MTA3: variants seen among roughly 807,000 people sequenced by gnomAD.
MTA3 encodes the protein metastasis-associated protein MTA3.
A neutral mutation model predicts 83.5 loss-of-function variants in MTA3; 34 were observed. The observed-to-expected ratio is 0.41, with a 90% CI of 0.31 to 0.54. MTA3 has a LOEUF of 0.54. Among genes scored for constraint, MTA3 ranks in the 20% least tolerant of loss-of-function variants. The probability of loss-of-function intolerance (pLI) is 0.33; values close to 1 mark genes in which losing one functional copy is unlikely to be tolerated. For missense variants in MTA3, 761 were observed against 726.4 expected, an observed-to-expected ratio of 1.05 and a Z score of -0.55; for synonymous variants, 303 against 252.7, an observed-to-expected ratio of 1.20 and a Z score of -1.89.
Position 42,737,177 on chromosome 2 carries a change from G to A in MTA3, c.1759+14142G>A, listed in dbSNP as rs537457251. Among the ~76,000 whole-genome samples, 4 of 152,288 alleles carry A rather than the reference G, an allele frequency of 2.6e-5. No homozygotes were observed. The South Asian group carries it at 6.2e-4, about 24-fold the overall frequency. On this transcript the variant is annotated intron_variant, in intron 16 of 16. Coordinates refer to ENST00000405094, the MANE Select transcript of MTA3 (RefSeq NM_001330442.2). ...TGCTCCCCAAGTCCATTGGCTCCAA[G>A]ACCAGCACAGCACCAGGATTTGCCT...
chr2:42,531,382 G>A (rs896684718), intron 2 of MTA3, among the ~76,000 whole-genome samples: 5 of 144,678 alleles, frequency 3.5e-5, no homozygotes, highest in African/African-American at 7.6e-5. Flanking sequence ...ATGTAACTAT[G>A]TAACACACAA....
At chr2:42,612,659 G>A (rs907967537) in intron 4 of MTA3, among the ~76,000 whole-genome samples, 3 of 152,152 alleles carry the variant, frequency 2.0e-5, no homozygotes, top group Admixed American at 2.0e-4. Flanking sequence ...TCAGGATTCT[G>A]AGACCAGCCT....
At chr2:42,629,361 G>T (rs571966251) in intron 4 of MTA3, among the ~76,000 whole-genome samples, 2 of 152,124 alleles carry the variant, frequency 1.3e-5, no homozygotes, top group African/African-American at 4.8e-5. Flanking sequence ...TTACAGGCGT[G>T]ATCCACCGTG....
chr2:42,594,728 AT>A (rs1211133796), intron 3 of MTA3, among the ~76,000 whole-genome samples: 25 of 24,042 alleles, frequency 1.0e-3, no homozygotes, highest in East Asian at 5.9e-3. Flanking sequence ...ATATATATAT[AT>A]TTTTTTTTTT....
chr2:42,654,457 C>G (rs1388252885), intron 6 of MTA3, among the ~76,000 whole-genome samples: 1 of 152,186 alleles, frequency 6.6e-6, no homozygotes, highest in Admixed American at 6.5e-5. Context: ...AGCTTTTATT[C>G]TAGTAAGAAT....
At chr2:42,571,680 G>C (rs867971588) in intron 2 of MTA3, among the ~76,000 whole-genome samples, 8 of 152,286 alleles carry the variant, frequency 5.3e-5, no homozygotes, top group Middle Eastern at 6.8e-3. Context: ...GGGTGCGGTG[G>C]CTCACGCCTG....
In MTA3 at chr2:42,737,070, G is replaced by A. The variant is rs1287909704; in HGVS notation, c.1759+14035G>A. Among the ~76,000 whole-genome samples the A allele has an allele frequency of 7.9e-5, 12 of 152,310 alleles. No homozygotes were observed. The East Asian group carries it at 2.3e-3, about 29-fold the overall frequency. ...GGAGGAAGGAGTCTCTGCAAGGGCT[G>A]TGAGCTGTGCTGCCTGAGACTGGGG... is the stretch of plus-strand genomic sequence containing the variant. On this transcript the variant is annotated intron_variant, in intron 16 of 16. Coordinates refer to ENST00000405094, the MANE Select transcript of MTA3 (RefSeq NM_001330442.2).
At chr2:42,751,764 T>A (rs1669887639) in intron 16 of MTA3, among the ~76,000 whole-genome samples, 1 of 152,156 alleles carries the variant, frequency 6.6e-6, no homozygotes, top group Non-Finnish European at 1.5e-5. Context: ...AAGCAGCTCT[T>A]TTGATAGGTG....
chr2:42,636,009 T>A (rs1409396852), intron 4 of MTA3, among the ~76,000 whole-genome samples: 1 of 152,154 alleles, frequency 6.6e-6, no homozygotes. Flanking sequence ...GCTCAGGCAA[T>A]CTGCCCGCCT....
intron 3 of MTA3, among the ~76,000 whole-genome samples, chr2:42,600,523 C>G (rs977051327): frequency 6.7e-6 from 1 of 148,238 alleles, no homozygotes; most frequent in Non-Finnish European, 1.5e-5. Context: ...TTTGCATCCC[C>G]TTTCCCATTC....
At chr2:42,676,411 G>T (rs956929796) in intron 8 of MTA3, among the ~76,000 whole-genome samples, 3 of 152,198 alleles carry the variant, frequency 2.0e-5, no homozygotes, top group Non-Finnish European at 4.4e-5. Flanking sequence ...GGTTGGTGTA[G>T]CATCAGCTGA....
At chr2:42,665,189 C>T (rs1251592927) in intron 8 of MTA3, among the ~76,000 whole-genome samples, 5 of 152,030 alleles carry the variant, frequency 3.3e-5, no homozygotes, top group African/African-American at 1.2e-4. Flanking sequence ...CAAAGGAGTT[C>T]GAGACCAGCC....
intron 9 of MTA3, among the ~76,000 whole-genome samples, chr2:42,688,064 T>G (rs1692550515): frequency 6.6e-6 from 1 of 152,206 alleles, no homozygotes; most frequent in African/African-American, 2.4e-5. Flanking sequence ...ATACAGCCAC[T>G]TGGGAAAACA....
chr2:42,695,197 G>C (rs954374361), intron 9 of MTA3, among the ~76,000 whole-genome samples: 1 of 152,096 alleles, frequency 6.6e-6, no homozygotes, highest in Non-Finnish European at 1.5e-5. Context: ...TAAACGGAAT[G>C]AGAAATGGAA....
rs1244649175 is a variant in MTA3, at chr2:42,755,898, C to A, written c.*2499C>A. On this transcript the variant is annotated 3_prime_UTR_variant, in exon 17 of 17. Transcript: ENST00000405094. ...CTCTGGCTCAGTCATCGCCTGCCCA[C>A]CCTTCACTTCTTAAAGGTGCGCAAG... is the stretch of plus-strand genomic sequence containing the variant. 5 of 985,406 alleles carry A rather than the reference C, an allele frequency of 5.1e-6. No homozygotes were observed. In the East Asian group the frequency reaches 5.7e-4, roughly 112 times the overall value. 61.0% of individuals were successfully genotyped at this position (985,406 alleles called of 1,614,324 possible).
At chr2:42,713,523 T>C (rs1666793703) in intron 14 of MTA3, among the ~76,000 whole-genome samples, 1 of 151,986 alleles carries the variant, frequency 6.6e-6, no homozygotes, top group Non-Finnish European at 1.5e-5. Context: ...TACTGAAAAA[T>C]TTTTCTAAAG....
At chr2:42,528,065 C>T (rs1403028899) in intron 2 of MTA3, among the ~76,000 whole-genome samples, 2 of 152,098 alleles carry the variant, frequency 1.3e-5, no homozygotes, top group Admixed American at 1.3e-4. Flanking sequence ...GCTGGGACTA[C>T]AGGCACGTGC....
intron 2 of MTA3, among the ~76,000 whole-genome samples, chr2:42,536,176 G>T (rs558131226): frequency 6.6e-6 from 1 of 150,408 alleles, no homozygotes; most frequent in Non-Finnish European, 1.5e-5. Flanking sequence ...CGGGCCATAT[G>T]AAAATCGAGG....
chr2:42,495,817 A>C (rs183357102), intron 2 of MTA3, among the ~76,000 whole-genome samples: 1 of 152,332 alleles, frequency 6.6e-6, no homozygotes, highest in Non-Finnish European at 1.5e-5. Flanking sequence ...GTCATTTCGC[A>C]ACCCAGGAAT....
Sources: gnomAD v4.1 joint callset for allele counts (sites outside exome capture counted in the v4.1 genomes callset) on GRCh38, gnomAD v4.1.1 for gene constraint, MANE v1.5 for transcripts, NCBI Gene and HGNC (gene_info 2026-07-23, HGNC 2026-07-21) for gene names.